TMEM74: variants seen among roughly 807,000 people sequenced by gnomAD.
TMEM74 encodes the protein transmembrane protein 74.
A neutral mutation model predicts 18.1 loss-of-function variants in TMEM74; 13 were observed. The ratio of observed to expected loss-of-function variants is 0.72; its 90% CI spans 0.47 to 1.14. The LOEUF (loss-of-function observed/expected upper bound fraction) is 1.14. TMEM74 is among the 50% of genes most tolerant of loss of function. The probability of loss-of-function intolerance (pLI) is 0.00; values close to 1 mark genes in which losing one functional copy is unlikely to be tolerated. For synonymous variants in TMEM74, 159 were observed against 146.6 expected, an observed-to-expected ratio of 1.08 and a Z score of -0.61; for missense variants, 372 against 375.9, an observed-to-expected ratio of 0.99 and a Z score of 0.09.
chr8:108,768,234 C>G (rs1343139790), intron 1 of TMEM74, among the ~76,000 whole-genome samples: 9 of 152,112 alleles, frequency 5.9e-5, no homozygotes, highest in Admixed American at 5.9e-4. Context: ...ATAATTCAAG[C>G]AATTTCCTTC....
At chr8:108,651,941 T>TAA (rs762994031) in intron 2 of TMEM74, among the ~76,000 whole-genome samples, 2 of 140,936 alleles carry the variant, frequency 1.4e-5, no homozygotes, top group Non-Finnish European at 1.6e-5. Flanking sequence ...CATGTGTCGC[T>TAA]AAAAAAAAAA....
At chr8:108,645,303 G>T (rs1812707405) in intron 2 of TMEM74, among the ~76,000 whole-genome samples, 1 of 151,958 alleles carries the variant, frequency 6.6e-6, no homozygotes, top group Non-Finnish European at 1.5e-5. Context: ...CTAAGCATTG[G>T]GTACACGTGG....
At chr8:108,624,334 G>C (rs1489857817) in intron 2 of TMEM74, among the ~76,000 whole-genome samples, 1 of 152,062 alleles carries the variant, frequency 6.6e-6, no homozygotes, top group African/African-American at 2.4e-5. Context: ...GGTGATCCTT[G>C]TGAACTACTC....
At chr8:108,717,133 A>G (rs931405366) in intron 1 of TMEM74, among the ~76,000 whole-genome samples, 1 of 152,094 alleles carries the variant, frequency 6.6e-6, no homozygotes, top group African/African-American at 2.4e-5. Flanking sequence ...AGAAAATTAC[A>G]TATCAACGTT....
chr8:108,671,354 C>A (rs147565569), intron 1 of TMEM74, among the ~76,000 whole-genome samples: 1 of 152,202 alleles, frequency 6.6e-6, no homozygotes, highest in Admixed American at 6.5e-5. Flanking sequence ...GCCCATGGAG[C>A]TGTACCACCC....
At chr8:108,738,209 A>G (rs1469770443) in intron 1 of TMEM74, among the ~76,000 whole-genome samples, 1 of 152,112 alleles carries the variant, frequency 6.6e-6, no homozygotes, top group Non-Finnish European at 1.5e-5. Flanking sequence ...ATCCAGTCCC[A>G]CCTCTCTACT....
intron 1 of TMEM74, among the ~76,000 whole-genome samples, chr8:108,698,186 G>A (rs1450900647): frequency 6.6e-6 from 1 of 152,148 alleles, no homozygotes; most frequent in Non-Finnish European, 1.5e-5. Flanking sequence ...AAAATACTAA[G>A]GCTCAGAGAA....
intron 1 of TMEM74, among the ~76,000 whole-genome samples, chr8:108,704,941 C>T (rs553220008): frequency 4.6e-5 from 7 of 152,208 alleles, no homozygotes; most frequent in African/African-American, 1.7e-4. Context: ...TTGTAAATCT[C>T]AAAGTGAAAA....
intron 2 of TMEM74, among the ~76,000 whole-genome samples, chr8:108,609,554 A>T (rs1325676088): frequency 6.6e-6 from 1 of 152,156 alleles, no homozygotes; most frequent in Non-Finnish European, 1.5e-5. Context: ...AGGCTGAGGC[A>T]TGAGAATAGC....
At chr8:108,716,430 G>A (rs149497795) in intron 1 of TMEM74, among the ~76,000 whole-genome samples, 57 of 152,106 alleles carry the variant, frequency 3.7e-4, no homozygotes, top group African/African-American at 1.3e-3. Context: ...GGGCAAATGA[G>A]ATATTAAAGT....
At chr8:108,755,155 C>A (rs1005714497) in intron 1 of TMEM74, among the ~76,000 whole-genome samples, 3 of 152,080 alleles carry the variant, frequency 2.0e-5, no homozygotes, top group Admixed American at 6.6e-5. Flanking sequence ...CAGGCTGTCT[C>A]CAGGAACACT....
At chr8:108,766,534 G>A (rs1814108908) in intron 1 of TMEM74, among the ~76,000 whole-genome samples, 2 of 152,090 alleles carry the variant, frequency 1.3e-5, no homozygotes, top group South Asian at 4.1e-4. Flanking sequence ...TTCCACGTGG[G>A]CCACCATAAA....
intron 2 of TMEM74, among the ~76,000 whole-genome samples, chr8:108,647,008 TC>T (rs1812726947): frequency 6.6e-6 from 1 of 152,160 alleles, no homozygotes; most frequent in Non-Finnish European, 1.5e-5. Context: ...AAGTATCCAT[TC>T]CCCAAACAAG....
intron 1 of TMEM74, among the ~76,000 whole-genome samples, chr8:108,662,579 G>A (rs1198699169): frequency 6.6e-6 from 1 of 152,084 alleles, no homozygotes; most frequent in Non-Finnish European, 1.5e-5. Context: ...TCTTCTGGAT[G>A]TATTACCATG....
At chr8:108,663,043 T>A (rs1278942560) in intron 1 of TMEM74, among the ~76,000 whole-genome samples, 3 of 152,046 alleles carry the variant, frequency 2.0e-5, no homozygotes, top group African/African-American at 7.2e-5. Flanking sequence ...AATTTTAAAA[T>A]AGGGTTTTCT....
intron 2 of TMEM74, among the ~76,000 whole-genome samples, chr8:108,650,258 C>T (rs75649672): frequency 0.012 from 1,760 of 152,268 alleles, 43 homozygotes; most frequent in African/African-American, 0.041. Flanking sequence ...CCATGCCAGC[C>T]AAGTCATTAT....
intron 2 of TMEM74, among the ~76,000 whole-genome samples, chr8:108,633,727 G>A (rs142151971): frequency 5.3e-5 from 8 of 152,074 alleles, no homozygotes; most frequent in Non-Finnish European, 1.2e-4. Flanking sequence ...TTGTGGAATT[G>A]TCAGCATCAA....
At chr8:108,736,429 T>C (rs549629597) in intron 1 of TMEM74, among the ~76,000 whole-genome samples, 2 of 152,150 alleles carry the variant, frequency 1.3e-5, no homozygotes, top group Non-Finnish European at 2.9e-5. Flanking sequence ...TTAGTAGATA[T>C]GACAACTCTA....
At chr8:108,724,846 C>T (rs1162142908) in intron 1 of TMEM74, among the ~76,000 whole-genome samples, 2 of 152,134 alleles carry the variant, frequency 1.3e-5, no homozygotes, top group African/African-American at 2.4e-5. Flanking sequence ...CATGCAGAAG[C>T]TAGAGTGATT....
Sources: allele counts gnomAD v4.1 joint callset (sites outside exome capture counted in the v4.1 genomes callset), GRCh38; gene constraint gnomAD v4.1.1; transcripts MANE v1.5; gene names NCBI Gene and HGNC (gene_info 2026-07-23, HGNC 2026-07-21).